TESK2: variants seen among roughly 807,000 people sequenced by gnomAD.
TESK2 encodes the protein dual specificity testis-specific protein kinase 2.
Under a neutral mutation model 57.1 loss-of-function variants are expected in TESK2, and 39 were observed. The ratio of observed to expected loss-of-function variants is 0.68; its 90% CI spans 0.53 to 0.89. The LOEUF is 0.89. Ranked by LOEUF, TESK2 falls within the 40% of genes least tolerant of loss-of-function variation. TESK2 has a pLI of 0.00. For missense variants in TESK2, 646 were observed against 732.1 expected (o/e 0.88, Z 1.36); for synonymous variants, 249 against 267.9 (o/e 0.93, Z 0.69).
At chr1:45,387,939 G>A (rs868580264) in intron 3 of TESK2, among the ~76,000 whole-genome samples, 8 of 152,124 alleles carry the variant, frequency 5.3e-5, no homozygotes, top group Non-Finnish European at 8.8e-5. Context: ...CCCGGGAGGC[G>A]GAGGCTGCAG....
intron 2 of TESK2, among the ~76,000 whole-genome samples, chr1:45,445,624 CAAAAAAAAA>C (rs747691865): frequency 1.5e-4 from 16 of 108,086 alleles, no homozygotes; most frequent in East Asian, 1.1e-3. Flanking sequence ...CTGTCTCTAC[CAAAAAAAAA>C]AAAAAAAAAA....
intron 1 of TESK2, among the ~76,000 whole-genome samples, chr1:45,475,180 G>A (rs959222388): frequency 5.3e-5 from 8 of 149,958 alleles, no homozygotes; most frequent in Admixed American, 1.3e-4. Flanking sequence ...AGAGGAAAGA[G>A]GAAGTTAGGT....
chr1:45,463,878 C>T (rs1011405130), intron 1 of TESK2, among the ~76,000 whole-genome samples: 2 of 152,266 alleles, frequency 1.3e-5, no homozygotes, highest in African/African-American at 4.8e-5. Flanking sequence ...CATGAGCCAC[C>T]ATGCCCAGCC....
intron 3 of TESK2, among the ~76,000 whole-genome samples, chr1:45,417,505 A>G (rs1209247794): frequency 6.6e-6 from 1 of 152,092 alleles, no homozygotes. Flanking sequence ...TTTTAGTTTG[A>G]TGCAATCTCA....
intron 1 of TESK2, among the ~76,000 whole-genome samples, chr1:45,490,007 T>C (rs773911697): frequency 1.9e-4 from 29 of 152,190 alleles, no homozygotes; most frequent in Non-Finnish European, 3.4e-4. Context: ...CTCAACTTTA[T>C]TTTGAAACCT....
rs192073279 is a variant in TESK2 at position 45,394,988 on chromosome 1, C to T, written c.345-9028G>A. On this transcript the variant is annotated intron_variant, in intron 3 of 10. Transcript: ENST00000372086. Reference sequence around the variant, plus strand: ...TACAGGCATTAGCCACTGCACCCGGCCCCAACAGGAAACTCTTAACTCTGA... The same window carrying T: ...TACAGGCATTAGCCACTGCACCCGGTCCCAACAGGAAACTCTTAACTCTGA... Among the ~76,000 whole-genome samples, 355 of 152,050 alleles carry T rather than the reference C, an allele frequency of 2.3e-3. 2 individuals are homozygous for T. The highest frequency in any genetic ancestry group is 8.3e-3 in the African/African-American group (345 of 41,466).
chr1:45,445,852 T>C (rs1009750704), intron 2 of TESK2, among the ~76,000 whole-genome samples: 2 of 93,556 alleles, frequency 2.1e-5, no homozygotes, highest in African/African-American at 4.1e-5. Flanking sequence ...GCAGGACTTA[T>C]GATCTACACT....
At chr1:45,480,341 C>G (rs1045558898) in intron 1 of TESK2, among the ~76,000 whole-genome samples, 13 of 151,326 alleles carry the variant, frequency 8.6e-5, no homozygotes, top group Non-Finnish European at 5.9e-5. Context: ...ACCTGTAGTC[C>G]CAGCTACTCA....
At chr1:45,479,149 A>T (rs1020081864) in intron 1 of TESK2, among the ~76,000 whole-genome samples, 3 of 152,208 alleles carry the variant, frequency 2.0e-5, no homozygotes, top group African/African-American at 7.2e-5. Context: ...AAAATTTTTA[A>T]CATCCTTCCA....
intron 2 of TESK2, among the ~76,000 whole-genome samples, chr1:45,442,143 T>A (rs1371657517): frequency 6.6e-6 from 1 of 151,684 alleles, no homozygotes; most frequent in Non-Finnish European, 1.5e-5. Flanking sequence ...TCCATGTTGG[T>A]CAGGCTGGTC....
intron 2 of TESK2, among the ~76,000 whole-genome samples, chr1:45,455,298 C>T (rs936559767): frequency 2.0e-5 from 3 of 152,156 alleles, no homozygotes; most frequent in African/African-American, 7.2e-5. Context: ...TTCCAGCAAC[C>T]AGTTTGAAGT....
chr1:45,356,494 GGT>G (rs1008834928), intron 4 of TESK2, among the ~76,000 whole-genome samples: 1 of 151,868 alleles, frequency 6.6e-6, no homozygotes, highest in African/African-American at 2.4e-5. Context: ...TGGACGTGAT[GGT>G]GCACACATGT....
At chr1:45,423,430 AC>A (rs1296708083) in intron 2 of TESK2, among the ~76,000 whole-genome samples, 1 of 151,760 alleles carries the variant, frequency 6.6e-6, no homozygotes, top group Non-Finnish European at 1.5e-5. Context: ...GGTGGCGGGC[AC>A]CTGTAGTCCC....
chr1:45,378,830 G>A (rs761229831), intron 4 of TESK2, among the ~76,000 whole-genome samples: 2 of 152,158 alleles, frequency 1.3e-5, no homozygotes, highest in African/African-American at 2.4e-5. Flanking sequence ...ACCTTCCCGT[G>A]TATTTTCTAA....
At chr1:45,483,508 G>C (rs565941602) in intron 1 of TESK2, among the ~76,000 whole-genome samples, 3 of 151,526 alleles carry the variant, frequency 2.0e-5, no homozygotes, top group Admixed American at 2.0e-4. Context: ...TGAAGAGGGA[G>C]AACTGCTTGA....
chr1:45,434,894 G>A (rs1357280044), intron 2 of TESK2, among the ~76,000 whole-genome samples: 1 of 150,832 alleles, frequency 6.6e-6, no homozygotes, highest in Non-Finnish European at 1.5e-5. Context: ...TACTTTTGAG[G>A]TCTTTGCCAT....
intron 1 of TESK2, among the ~76,000 whole-genome samples, chr1:45,490,607 T>G (rs1459024103): frequency 6.6e-6 from 1 of 151,762 alleles, no homozygotes; most frequent in Non-Finnish European, 1.5e-5. Flanking sequence ...TTCTAATGGG[T>G]TCCCAGGTTC....
chr1:45,445,054 G>A (rs1341538652), intron 2 of TESK2, among the ~76,000 whole-genome samples: 4 of 152,062 alleles, frequency 2.6e-5, no homozygotes, highest in East Asian at 1.9e-4. Flanking sequence ...AGTATTTTTC[G>A]GACCTTGCAT....
intron 1 of TESK2, among the ~76,000 whole-genome samples, chr1:45,458,560 G>A (rs1289530430): frequency 6.9e-6 from 1 of 144,716 alleles, no homozygotes; most frequent in African/African-American, 2.6e-5. Context: ...GTGAGACACT[G>A]TCTCAAAAAA....
Sources: gnomAD v4.1 joint callset for allele counts (sites outside exome capture counted in the v4.1 genomes callset) on GRCh38, gnomAD v4.1.1 for gene constraint, MANE v1.5 for transcripts, NCBI Gene and HGNC (gene_info 2026-07-23, HGNC 2026-07-21) for gene names.